ADGRA2: variants seen among roughly 807,000 people sequenced by gnomAD.
The protein encoded by ADGRA2 is adhesion G protein-coupled receptor A2.
In ADGRA2, 61 loss-of-function variants were observed where a neutral mutation model predicts 98.7. The ratio of observed to expected loss-of-function variants is 0.62; its 90% CI spans 0.50 to 0.76. The LOEUF (loss-of-function observed/expected upper bound fraction) is 0.76. ADGRA2 is among the 30% of genes least tolerant of loss of function. The pLI, the probability that ADGRA2 is intolerant of heterozygous loss-of-function variation, is 0.00. For synonymous variants in ADGRA2, 858 were observed against 831.5 expected (o/e 1.03, Z -0.55); for missense variants, 1,712 against 1,860.0 (o/e 0.92, Z 1.46).
At position 37,835,219 on chromosome 8, in the gene ADGRA2, A is replaced by G. The variant is rs201174940; in HGVS notation, c.1654A>G (p.Ser552Gly). 1.2e-6 allele frequency: 2 copies of G among 1,613,988 alleles called. No homozygotes were observed. Among genetic ancestry groups the G allele is most frequent in the African/African-American group, 1.3e-5 (1 of 75,034 alleles). ...ALEAYLIKPHSYVGLTCTAFQ... is the reference protein window; with the variant it reads ...ALEAYLIKPHGYVGLTCTAFQ... ...GGAGGCCTACCTCATCAAGCCGCAC[A>G]GCTACGTGGGCCTGACCTGCACAGC... is the stretch of plus-strand genomic sequence containing the variant. Residue 552 changes from serine (S) to glycine (G), a missense_variant, in exon 12 of 19, where the codon AGC (serine) becomes GGC (glycine). By Grantham distance (56) the Ser-to-Gly change is moderately conservative. Transcript: ENST00000412232.
At chr8:37,832,018 C>T (rs1336708226) in intron 8 of ADGRA2, among the ~76,000 whole-genome samples, 1 of 152,216 alleles carries the variant, frequency 6.6e-6, no homozygotes, top group African/African-American at 2.4e-5. Context: ...CAAGATCACA[C>T]CATTGCACTC....
At chr8:37,798,826 C>G (rs542606098) in intron 1 of ADGRA2, among the ~76,000 whole-genome samples, 1 of 152,198 alleles carries the variant, frequency 6.6e-6, no homozygotes, top group Non-Finnish European at 1.5e-5. Flanking sequence ...TTCCCCGGCC[C>G]GGGTGTGTGT....
chr8:37,838,663 G>A (rs1332646145), intron 14 of ADGRA2, among the ~76,000 whole-genome samples: 1 of 147,312 alleles, frequency 6.8e-6, no homozygotes, highest in Non-Finnish European at 1.5e-5. Context: ...CTGCAGGCCT[G>A]CTGCTGGTCA....
At chr8:37,804,326 ACCTC>A (rs201164082) in intron 1 of ADGRA2, among the ~76,000 whole-genome samples, 2,536 of 152,156 alleles carry the variant, frequency 0.017, 44 homozygotes, top group Non-Finnish European at 0.028. Flanking sequence ...AGCTTCTCAG[ACCTC>A]TTGAAAGCTT....
At position 37,814,614 on chromosome 8, in the gene ADGRA2, G is replaced by T. The variant is rs16887046; in HGVS notation, c.267-282G>T. 1.3e-5 allele frequency among the ~76,000 whole-genome samples: 2 copies of T among 152,300 alleles called. No individual in the cohort carries two copies. The highest frequency in any genetic ancestry group is 3.9e-4 in the East Asian group (2 of 5,176). On this transcript the variant is annotated intron_variant, in intron 1 of 18. Coordinates refer to ENST00000412232, the MANE Select transcript of ADGRA2 (RefSeq NM_032777.10). The surrounding 1 kb of genome is among the most constrained non-coding windows in gnomAD (Gnocchi z 4.3). ...CCAGAGTGGAAACGGGGCATCACAGGGTCACCCCCACCTGCTCAGCCCACC... is the reference window on the plus strand; with the variant it reads ...CCAGAGTGGAAACGGGGCATCACAGTGTCACCCCCACCTGCTCAGCCCACC...
chr8:37,821,907 T>C (rs1805138397), intron 2 of ADGRA2, among the ~76,000 whole-genome samples: 1 of 152,110 alleles, frequency 6.6e-6, no homozygotes, highest in Non-Finnish European at 1.5e-5. Context: ...CATTAGTCTG[T>C]GGGTGGGGCC....
At chr8:37,823,841 G>A (rs755253455) in intron 2 of ADGRA2, among the ~76,000 whole-genome samples, 7 of 152,042 alleles carry the variant, frequency 4.6e-5, no homozygotes, top group African/African-American at 1.2e-4. Context: ...GGCCATTTGT[G>A]TGTCTTCTTG....
intron 1 of ADGRA2, among the ~76,000 whole-genome samples, chr8:37,800,313 G>A (rs1196065428): frequency 6.6e-6 from 1 of 152,202 alleles, no homozygotes; most frequent in African/African-American, 2.4e-5. Context: ...CTCCGGAGAA[G>A]GTGAGCTGCA....
intron 2 of ADGRA2, among the ~76,000 whole-genome samples, chr8:37,815,962 C>T (rs754864736): frequency 1.3e-5 from 2 of 152,202 alleles, no homozygotes; most frequent in South Asian, 4.1e-4. Context: ...TCCTGCTAGG[C>T]GTTCCTAGTT....
chr8:37,801,309 C>G (rs1305597362), intron 1 of ADGRA2, among the ~76,000 whole-genome samples: 1 of 152,216 alleles, frequency 6.6e-6, no homozygotes, highest in Admixed American at 6.5e-5. Context: ...CCCCAGGCTC[C>G]CAGCCCAGTC....
intron 1 of ADGRA2, among the ~76,000 whole-genome samples, chr8:37,799,577 C>T (rs1286565237): frequency 6.6e-6 from 1 of 152,100 alleles, no homozygotes; most frequent in African/African-American, 2.4e-5. Flanking sequence ...TTAGAATGAT[C>T]AGGCCATGGT....
chr8:37,804,106 C>G lies in ADGRA2; in HGVS notation c.266+6572C>G, dbSNP rs865813089. Among the ~76,000 whole-genome samples, 123 of 125,450 alleles carry G rather than the reference C, an allele frequency of 9.8e-4. 4 individuals carry two copies. The highest frequency in any genetic ancestry group is 3.8e-3 in the African/African-American group (110 of 28,928). 82.3% of individuals were successfully genotyped at this position (125,450 alleles called of 152,430 possible). ...GCCAGCCTGCCCACGGTGAGACACA[C>G]ACACACACACACACACACACACACA... On this transcript the variant is annotated intron_variant, in intron 1 of 18. Transcript: ENST00000412232.
In ADGRA2 at chr8:37,835,542, A is replaced by G. The variant is rs1228849165; in HGVS notation, c.1834-12A>G. The G allele has an allele frequency of 3.2e-6, 5 of 1,578,058 alleles. No individual in the cohort carries two copies. The highest frequency in any genetic ancestry group is 2.7e-5 in the African/African-American group (2 of 74,204). On this transcript the variant is annotated splice_polypyrimidine_tract_variant and intron_variant, in intron 12 of 18. Coordinates refer to ENST00000412232, the MANE Select transcript of ADGRA2 (RefSeq NM_032777.10). ...GTCCTGGTGTCTCTGAGGAGCTCCTATGTCCCCCCAGAACAGCGTGGCCCT... is the reference window on the plus strand; with the variant it reads ...GTCCTGGTGTCTCTGAGGAGCTCCTGTGTCCCCCCAGAACAGCGTGGCCCT...
At position 37,826,264 on chromosome 8, in the gene ADGRA2, AG is replaced by A. The variant is rs1242947827; in HGVS notation, c.339-2620del. ...GCCCTGAGAATGGCCAGACCCCAAC[AG>A]GGGCCAGGGGGCACATGCTGGGACA... On this transcript the variant is annotated intron_variant, in intron 2 of 18. Coordinates refer to ENST00000412232, the MANE Select transcript of ADGRA2 (RefSeq NM_032777.10). Among the ~76,000 whole-genome samples the A allele has an allele frequency of 5.9e-5, 9 of 152,192 alleles. No individual in the cohort carries two copies. In the South Asian group the frequency reaches 6.2e-4, roughly 11 times the overall value.
At position 37,839,538 on chromosome 8, in the gene ADGRA2, G is replaced by A. The variant is rs1805727848; in HGVS notation, c.2427G>A (p.Leu809=). ...CCCGGAAAGGCTGGCACATGCTGCT[G>A]AACTTGTGCTTCCACATAGCCATGA... ...RVSRKGWHML[L]NLCFHIAMTS... Residue 809 remains leucine (L), a synonymous_variant, in exon 16 of 19, where the codon CTG becomes CTA. Coordinates refer to ENST00000412232, the MANE Select transcript of ADGRA2 (RefSeq NM_032777.10). 3.1e-6 allele frequency: 5 copies of A among 1,614,158 alleles called. No homozygotes were observed. Among genetic ancestry groups the A allele is most frequent in the African/African-American group, 2.7e-5 (2 of 75,046 alleles).
At chr8:37,806,048 T>TC (rs1427909375) in intron 1 of ADGRA2, among the ~76,000 whole-genome samples, 3 of 151,658 alleles carry the variant, frequency 2.0e-5, no homozygotes, top group Non-Finnish European at 4.4e-5. Flanking sequence ...AAAGTTTGGC[T>TC]CCCCCCGGGG....
intron 8 of ADGRA2, 114 bp from the exon 9 acceptor site, chr8:37,832,896 C>A: frequency 1.3e-6 from 1 of 779,468 alleles, no homozygotes; most frequent in Non-Finnish European, 2.1e-6. Context: ...GAACCCCGCT[C>A]CTGGATCCCT....
At chr8:37,840,685 C>G in intron 17 of ADGRA2, 75 bp from the exon 18 acceptor site, 1 of 807,820 alleles carries the variant, frequency 1.2e-6, no homozygotes. Context: ...AAACATCAAG[C>G]AAAGGGCTCT....
In ADGRA2 at chr8:37,842,499, C is replaced by A; in HGVS notation, c.*144C>A. 1 of 1,321,528 alleles carries A rather than the reference C, an allele frequency of 7.6e-7. No homozygotes were observed. Among genetic ancestry groups the A allele is most frequent in the Non-Finnish European group, 9.8e-7 (1 of 1,017,358 alleles). 81.9% of individuals were successfully genotyped at this position (1,321,528 alleles called of 1,614,324 possible). On this transcript the variant is annotated 3_prime_UTR_variant, in exon 19 of 19. Coordinates refer to ENST00000412232, the MANE Select transcript of ADGRA2 (RefSeq NM_032777.10). ...GAAGCCCACAGGCGGATGTTCCCCA[C>A]TTGCCTAGAGGGCATCCCTCTGGGG...
Sources: gnomAD v4.1 joint callset for allele counts (sites outside exome capture counted in the v4.1 genomes callset) on GRCh38, gnomAD v4.1.1 for gene constraint, Gnocchi (gnomAD v3.1) non-coding constraint, MANE v1.5 for transcripts, NCBI Gene and HGNC (gene_info 2026-07-23, HGNC 2026-07-21) for gene names.